DNAH12: variants seen among roughly 807,000 people sequenced by gnomAD.
DNAH12 encodes axonemal beta dynein heavy chain 12.
A neutral mutation model predicts 371.5 loss-of-function variants in DNAH12; 285 were observed. That is an observed-to-expected ratio of 0.77 (90% CI 0.70 to 0.85). The LOEUF is 0.85. Among genes scored for constraint, DNAH12 ranks in the 40% least tolerant of loss-of-function variants. The pLI, the probability that DNAH12 is intolerant of heterozygous loss-of-function variation, is 0.00. For synonymous variants in DNAH12, 1,200 were observed against 1,213.0 expected, an observed-to-expected ratio of 0.99 and a Z score of 0.22; for missense variants, 3,611 against 3,689.4, an observed-to-expected ratio of 0.98 and a Z score of 0.55.
chr3:57,324,783 GA>G (rs1470247128), intron 62 of DNAH12, among the ~76,000 whole-genome samples: 1 of 152,250 alleles, frequency 6.6e-6, no homozygotes, highest in Non-Finnish European at 1.5e-5. Flanking sequence ...CCTCACTCGG[GA>G]AGCGCAAGGG....
chr3:57,437,031 G>A lies in DNAH12; in HGVS notation c.4575C>T (p.Cys1525=). Residue 1525 remains cysteine, a synonymous_variant, in exon 30 of 74, where the codon TGC becomes TGT. Transcript: ENST00000495027. ...TAACAGGCTGAAGATTATGTACATTGCAGGCTTCATGAGCACATTCCAAAA... is the reference window on the plus strand; with the variant it reads ...TAACAGGCTGAAGATTATGTACATTACAGGCTTCATGAGCACATTCCAAAA... ...HEFLECAHEA[C]NVHNLQPVKF... 2 of 1,516,028 alleles carry A rather than the reference G, an allele frequency of 1.3e-6. No individual in the cohort carries two copies. The highest frequency in any genetic ancestry group is 4.9e-5 in the Admixed American group (2 of 40,580). The allele number at this position is 1,516,028 out of a possible 1,614,324, so 93.9% of individuals were successfully genotyped here. A position where few individuals can be genotyped will look rare whatever the true frequency, so the allele number is the denominator to read the frequency against.
chr3:57,360,669 A>T (rs2153327811), intron 58 of DNAH12, among the ~76,000 whole-genome samples: 1 of 135,698 alleles, frequency 7.4e-6, no homozygotes, highest in South Asian at 2.4e-4. Context: ...CCTGGGCAAC[A>T]AGAGCGAAAC....
chr3:57,327,512 G>A (rs1001494883), intron 62 of DNAH12, among the ~76,000 whole-genome samples: 14 of 152,082 alleles, frequency 9.2e-5, no homozygotes, highest in East Asian at 1.9e-4. Context: ...TGAAACCAAC[G>A]AGAACAAAGA....
rs1213192577 is a variant in DNAH12 at position 57,429,631 on chromosome 3, T to C, written c.5064+60A>G. The C allele has an allele frequency of 5.6e-6, 8 of 1,437,042 alleles. No homozygotes were observed. In the South Asian group the frequency reaches 1.1e-4, roughly 20 times the overall value. 89.0% of individuals were successfully genotyped at this position (1,437,042 alleles called of 1,614,324 possible). ...CTGACATATAATAAAAAATACTTAT[T>C]GGCTAAATTAAAGAATGAAGAAATG... On this transcript the variant is annotated intron_variant, in intron 33 of 73. Transcript: ENST00000495027.
At chr3:57,423,838 G>A (rs2064671162) in intron 35 of DNAH12, among the ~76,000 whole-genome samples, 1 of 151,718 alleles carries the variant, frequency 6.6e-6, no homozygotes, top group Non-Finnish European at 1.5e-5. Context: ...TTTTGAGATG[G>A]AGCAATTCTC....
rs981215034 is a variant in DNAH12, at chr3:57,415,248, C to T, written c.5853+178G>A. Among the ~76,000 whole-genome samples, 7 of 151,998 alleles carry T rather than the reference C, an allele frequency of 4.6e-5. No individual in the cohort carries two copies. In the East Asian group the frequency reaches 5.8e-4, roughly 13 times the overall value. On this transcript the variant is annotated intron_variant, in intron 38 of 73. Transcript: ENST00000495027. ...ATAAAGCTCAGTAACCCACTATTAA[C>T]GTAAAAATGTTCTCTGAAACTTGTA...
At chr3:57,305,257 A>G (rs1251401888) in intron 69 of DNAH12, among the ~76,000 whole-genome samples, 1 of 149,258 alleles carries the variant, frequency 6.7e-6, no homozygotes, top group East Asian at 2.0e-4. Flanking sequence ...TTTCCCTCTC[A>G]CCTCTCCCCT....
At chr3:57,461,751 A>C in intron 18 of DNAH12, 62 bp from the exon 19 acceptor site, 2 of 1,344,024 alleles carry the variant, frequency 1.5e-6, no homozygotes, top group Non-Finnish European at 2.1e-6. Flanking sequence ...TACTATATTG[A>C]CTTTCCCTAG....
chr3:57,433,816 T>TAC lies in DNAH12; in HGVS notation c.4666_4667dup (p.Gly1557Ter). The TAC allele has an allele frequency of 6.5e-7, 1 of 1,538,742 alleles. No homozygotes were observed. The highest frequency in any genetic ancestry group is 1.7e-4 in the Middle Eastern group (1 of 5,908). On this transcript the variant is annotated frameshift_variant, in exon 31 of 74. Coordinates refer to ENST00000495027, the MANE Select transcript of DNAH12 (RefSeq NM_001366028.2). LOFTEE classifies it high-confidence loss of function. ...TTGTCTTAGCAGCAAAAGGCTCTCC[T>TAC]ACTAACATAAAACTATGAAGGAAAA...
chr3:57,497,507 T>C (rs894087273), intron 11 of DNAH12, among the ~76,000 whole-genome samples: 8 of 152,208 alleles, frequency 5.3e-5, no homozygotes, highest in South Asian at 2.1e-4. Context: ...ATTTTTGATA[T>C]ATGATGCTGG....
Position 57,444,810 on chromosome 3 carries a change from GA to G in DNAH12, c.4431del (p.Arg1478AspfsTer6), listed in dbSNP as rs1208200960. 3 of 1,540,282 alleles carry G rather than the reference GA, an allele frequency of 1.9e-6. No homozygotes were observed. Among genetic ancestry groups the G allele is most frequent in the Non-Finnish European group, 8.8e-7 (1 of 1,142,770 alleles). On this transcript the variant is annotated frameshift_variant, in exon 29 of 74. Transcript: ENST00000495027. LOFTEE classifies it high-confidence loss of function. ...YPNENEDILL[L>X]RSIKDVNEPK... is the part of the protein sequence containing the mutation. ...GGTTCATTTACATCTTTAATTGATCGAAGAAGCTAAAATTACCCAAAAAGTA... is the reference window on the plus strand; with the variant it reads ...GGTTCATTTACATCTTTAATTGATCGAGAAGCTAAAATTACCCAAAAAGTA...
rs2063469795 is a variant in DNAH12, at chr3:57,384,816, T to C, written c.7860+13A>G. On this transcript the variant is annotated intron_variant, in intron 49 of 73. Coordinates refer to ENST00000495027, the MANE Select transcript of DNAH12 (RefSeq NM_001366028.2). The stretch of plus-strand genomic sequence containing the variant: ...GGTTGATGAAACACAAAGTAGCTAA[T>C]TCAAACACTTGCCTTAAGTGTATCC... The C allele has an allele frequency of 6.6e-6, 1 of 152,212 alleles. No homozygotes were observed. The highest frequency in any genetic ancestry group is 2.4e-5 in the African/African-American group (1 of 41,458). The allele number at this position is 152,212 out of a possible 1,614,324, so 9.4% of individuals were successfully genotyped here.
chr3:57,540,066 T>C (rs1378190226), intron 2 of DNAH12, among the ~76,000 whole-genome samples: 1 of 152,064 alleles, frequency 6.6e-6, no homozygotes, highest in Admixed American at 6.6e-5. Context: ...TTTTTCTTTT[T>C]TTTGAGATGG....
intron 11 of DNAH12, chr3:57,498,276 G>A: frequency 1.8e-6 from 1 of 540,558 alleles, no homozygotes; most frequent in Non-Finnish European, 3.3e-6. Flanking sequence ...TACACTGCTG[G>A]TGAGATTGTA....
At chr3:57,395,086 T>A (rs1476373838) in intron 43 of DNAH12, among the ~76,000 whole-genome samples, 1 of 152,148 alleles carries the variant, frequency 6.6e-6, no homozygotes, top group Non-Finnish European at 1.5e-5. Flanking sequence ...AATATCATCA[T>A]CTCCTATTTT....
chr3:57,491,557 C>A lies in DNAH12; in HGVS notation c.1336-1870G>T, dbSNP rs529263756. Among the ~76,000 whole-genome samples the A allele has an allele frequency of 2.0e-5, 3 of 152,232 alleles. No homozygotes were observed. In the South Asian group the frequency reaches 6.2e-4, roughly 32 times the overall value. ...TATCCAGTTTCAACAATTAGCAACT[C>A]ATGACCAATCTTTTTTTAACTATAC... On this transcript the variant is annotated intron_variant, in intron 11 of 73. Coordinates refer to ENST00000495027, the MANE Select transcript of DNAH12 (RefSeq NM_001366028.2).
chr3:57,528,626 T>C (rs1284485736), intron 2 of DNAH12, among the ~76,000 whole-genome samples: 7 of 100 alleles, frequency 0.07, no homozygotes, highest in Non-Finnish European at 0.1. Flanking sequence ...TCGGGAGGCT[T>C]GAGGCAGGAG....
chr3:57,342,793 G>GC (rs1295876343), intron 60 of DNAH12, among the ~76,000 whole-genome samples: 1 of 151,878 alleles, frequency 6.6e-6, no homozygotes, highest in Non-Finnish European at 1.5e-5. Context: ...GGCAAATGAG[G>GC]CTAGCATGAT....
intron 23 of DNAH12, among the ~76,000 whole-genome samples, 195 bp downstream of exon 23, chr3:57,454,580 T>C (rs1041499200): frequency 1.3e-5 from 2 of 151,874 alleles, no homozygotes; most frequent in East Asian, 1.9e-4. Flanking sequence ...CTAAGAAACA[T>C]AGGATGGGGC....
Sources: allele counts gnomAD v4.1 joint callset (sites outside exome capture counted in the v4.1 genomes callset), GRCh38; gene constraint gnomAD v4.1.1; transcripts MANE v1.5; gene names NCBI Gene and HGNC (gene_info 2026-07-23, HGNC 2026-07-21).